The following PACRG variants were observed in gnomAD, a reference collection of about 807,000 sequenced individuals.
The protein encoded by PACRG is parkin coregulated, also known as parkin coregulated gene protein.
Under a neutral mutation model 29.7 loss-of-function variants are expected in PACRG, and 29 were observed. That is an observed-to-expected ratio of 0.98 (90% CI 0.73 to 1.33). The LOEUF is 1.33. Ranked by LOEUF, PACRG falls within the 40% of genes most tolerant of loss-of-function variation. The pLI is 0.00. For missense variants in PACRG, 279 were observed against 316.2 expected, an observed-to-expected ratio of 0.88 and a Z score of 0.89; for synonymous variants, 116 against 118.7, an observed-to-expected ratio of 0.98 and a Z score of 0.15.
chr6:162,875,799 G>T (rs1192078529), intron 2 of PACRG, among the ~76,000 whole-genome samples: 1 of 152,174 alleles, frequency 6.6e-6, no homozygotes. Context: ...TGTTTAAATA[G>T]TCTTCATTAG....
At chr6:162,971,095 T>G (rs1801493369) in intron 2 of PACRG, among the ~76,000 whole-genome samples, 1 of 152,382 alleles carries the variant, frequency 6.6e-6, no homozygotes, top group Non-Finnish European at 1.5e-5. Flanking sequence ...TTGTAAAGAC[T>G]GACCTCTCTT....
chr6:162,855,403 C>T (rs1302899945), intron 2 of PACRG, among the ~76,000 whole-genome samples: 1 of 151,842 alleles, frequency 6.6e-6, no homozygotes, highest in Non-Finnish European at 1.5e-5. Context: ...TTCTTTTTTG[C>T]GTATCAGAGA....
intron 4 of PACRG, among the ~76,000 whole-genome samples, chr6:163,212,451 TC>T (rs1781183312): frequency 1.3e-5 from 2 of 151,940 alleles, no homozygotes; most frequent in Non-Finnish European, 2.9e-5. Flanking sequence ...GCAGGAAAAG[TC>T]CAAGAATGAT....
intron 1 of PACRG, among the ~76,000 whole-genome samples, chr6:162,768,917 A>G (rs1451894251): frequency 6.6e-6 from 1 of 152,166 alleles, no homozygotes; most frequent in East Asian, 1.9e-4. Context: ...TCTCTTGGCT[A>G]CCTTTCATGG....
At chr6:162,873,206 TTGTGTG>T (rs35191237) in intron 2 of PACRG, among the ~76,000 whole-genome samples, 1 of 150,300 alleles carries the variant, frequency 6.7e-6, no homozygotes, top group African/African-American at 2.4e-5. Flanking sequence ...GTTTTTCTGT[TTGTGTG>T]TGTGTGTGTG....
intron 2 of PACRG, among the ~76,000 whole-genome samples, chr6:162,947,259 A>T (rs1442497547): frequency 7.0e-6 from 1 of 143,412 alleles, no homozygotes; most frequent in South Asian, 2.2e-4. Flanking sequence ...TATATCATAT[A>T]TAATCTATAT....
intron 2 of PACRG, among the ~76,000 whole-genome samples, chr6:162,930,759 A>G (rs1421449058): frequency 6.6e-6 from 1 of 151,450 alleles, no homozygotes; most frequent in African/African-American, 2.4e-5. Context: ...TTTTAAGTTT[A>G]TTTTTCTATA....
intron 2 of PACRG, among the ~76,000 whole-genome samples, chr6:163,058,039 A>C (rs190658854): frequency 6.6e-6 from 1 of 152,362 alleles, no homozygotes; most frequent in East Asian, 1.9e-4. Flanking sequence ...TATGCAAATA[A>C]ATATATTGCT....
At chr6:163,040,405 C>G (rs1808582987) in intron 2 of PACRG, among the ~76,000 whole-genome samples, 1 of 152,196 alleles carries the variant, frequency 6.6e-6, no homozygotes, top group Non-Finnish European at 1.5e-5. Flanking sequence ...GGCATTGGAG[C>G]CCCCATACAG....
At chr6:163,267,088 A>T (rs1783556118) in intron 4 of PACRG, among the ~76,000 whole-genome samples, 1 of 152,184 alleles carries the variant, frequency 6.6e-6, no homozygotes, top group East Asian at 1.9e-4. Context: ...ACTCTGGATA[A>T]GTCACTGTAG....
chr6:163,237,655 A>C (rs1782307048), intron 4 of PACRG, among the ~76,000 whole-genome samples: 1 of 152,216 alleles, frequency 6.6e-6, no homozygotes, highest in African/African-American at 2.4e-5. Flanking sequence ...TTCTGTTCTC[A>C]TAAGATAGGT....
intron 4 of PACRG, among the ~76,000 whole-genome samples, chr6:163,205,615 A>T (rs1046634426): frequency 6.6e-6 from 1 of 152,236 alleles, no homozygotes; most frequent in South Asian, 2.1e-4. Flanking sequence ...ACCCTGGAAG[A>T]TAACCTCAGA....
chr6:163,153,840 G>A (rs1391998249), intron 4 of PACRG, among the ~76,000 whole-genome samples: 1 of 152,208 alleles, frequency 6.6e-6, no homozygotes, highest in African/African-American at 2.4e-5. Flanking sequence ...TCGCTATTGA[G>A]TGTAAAATGC....
chr6:162,801,419 A>G (rs1021519783), intron 1 of PACRG, among the ~76,000 whole-genome samples: 10 of 152,168 alleles, frequency 6.6e-5, no homozygotes, highest in African/African-American at 2.4e-4. Flanking sequence ...AATTTTCTAC[A>G]TATTACTATC....
chr6:162,727,830 G>C (rs1584141890), upstream of PACRG: 1 of 701,264 alleles, frequency 1.4e-6, no homozygotes, highest in East Asian at 2.9e-5. Context: ...GCGGCCCAGG[G>C]CCTGCTGGGA....
intron 2 of PACRG, among the ~76,000 whole-genome samples, chr6:162,878,105 C>T (rs902871262): frequency 1.3e-5 from 2 of 152,100 alleles, no homozygotes; most frequent in South Asian, 2.1e-4. Flanking sequence ...GATTAAAATT[C>T]TGAGACTTTT....
chr6:163,104,173 A>G (rs9295209), intron 4 of PACRG, among the ~76,000 whole-genome samples: 13,278 of 152,242 alleles, frequency 0.087, 1,961 homozygotes, highest in African/African-American at 0.3. Flanking sequence ...ATCAATTTCT[A>G]TTGTGGAGTA....
intron 1 of PACRG, among the ~76,000 whole-genome samples, chr6:162,741,476 T>C (rs1387624337): frequency 6.6e-6 from 1 of 152,176 alleles, no homozygotes; most frequent in Non-Finnish European, 1.5e-5. Context: ...TGTCCTCACA[T>C]GGCTTTCCTC....
At chr6:163,041,764 A>C (rs542132398) in intron 2 of PACRG, among the ~76,000 whole-genome samples, 2 of 152,374 alleles carry the variant, frequency 1.3e-5, no homozygotes, top group African/African-American at 4.8e-5. Context: ...AATAATCCAC[A>C]TATTCAGCAG....
Sources: allele counts gnomAD v4.1 joint callset (sites outside exome capture counted in the v4.1 genomes callset), GRCh38; gene constraint gnomAD v4.1.1; transcripts MANE v1.5; gene names NCBI Gene and HGNC (gene_info 2026-07-23, HGNC 2026-07-21).